Variants in MSRA observed in about 807,000 individuals in gnomAD.
The protein encoded by MSRA is methionine sulfoxide reductase A, also known as mitochondrial peptide methionine sulfoxide reductase.
MSRA carries 54 observed loss-of-function variants against 31.3 expected under a neutral mutation model. The observed-to-expected ratio is 1.73, with a 90% CI of 1.39 to 2.17. MSRA has a LOEUF of 2.17. Ranked by LOEUF, MSRA falls within the 30% of genes most tolerant of loss-of-function variation. MSRA has a pLI of 0.00. For missense variants in MSRA, 507 were observed against 300.9 expected, an observed-to-expected ratio of 1.69 and a Z score of -5.07; for synonymous variants, 169 against 116.5, an observed-to-expected ratio of 1.45 and a Z score of -2.90.
rs370998840 is a variant in MSRA at position 10,420,593 on chromosome 8, A to T, written c.544-7555A>T. On this transcript the variant is annotated intron_variant, in intron 5 of 5. Coordinates refer to ENST00000317173, the MANE Select transcript of MSRA (RefSeq NM_012331.5). ...GCTAGGATGATGCGGGCCTCTTTCC[A>T]TATGGTCTCGGATCTGCAGAGTTAC... Among the ~76,000 whole-genome samples, 8 of 152,200 alleles carry T rather than the reference A, an allele frequency of 5.3e-5. No individual in the cohort carries two copies. In the South Asian group the frequency reaches 1.2e-3, roughly 24 times the overall value.
At chr8:10,215,555 A>G (rs762010646) in intron 2 of MSRA, among the ~76,000 whole-genome samples, 4 of 152,140 alleles carry the variant, frequency 2.6e-5, no homozygotes, top group Admixed American at 6.5e-5. Context: ...TCTCCTTCAT[A>G]ACACCAGACG....
In MSRA at chr8:10,054,348, C is replaced by A; in HGVS notation, c.-169C>A. On this transcript the variant is annotated 5_prime_UTR_variant, in exon 1 of 6. Coordinates refer to ENST00000317173, the MANE Select transcript of MSRA (RefSeq NM_012331.5). ...CCGGTACGGCCCCGGGTTTGGGCAA[C>A]CTCGATTACGGGCGGCCTCCAGCCC... 5.3e-6 allele frequency: 3 copies of A among 568,802 alleles called. No individual in the cohort carries two copies. The highest frequency in any genetic ancestry group is 7.8e-6 in the Non-Finnish European group (3 of 386,454). 35.2% of individuals were successfully genotyped at this position (568,802 alleles called of 1,614,324 possible). A position where few individuals can be genotyped will look rare whatever the true frequency, so the allele number is the denominator to read the frequency against.
intron 1 of MSRA, among the ~76,000 whole-genome samples, chr8:10,179,144 G>A (rs1413156485): frequency 6.6e-6 from 1 of 152,128 alleles, no homozygotes; most frequent in Non-Finnish European, 1.5e-5. Context: ...GCATCCCACA[G>A]GACAACATTA....
At chr8:10,209,300 C>T (rs1015563871) in intron 2 of MSRA, among the ~76,000 whole-genome samples, 6 of 152,182 alleles carry the variant, frequency 3.9e-5, no homozygotes, top group African/African-American at 1.4e-4. Context: ...TTTCCAGTCT[C>T]TCAGATTCGC....
intron 1 of MSRA, among the ~76,000 whole-genome samples, chr8:10,072,533 A>T (rs941391752): frequency 6.6e-6 from 1 of 152,088 alleles, no homozygotes; most frequent in African/African-American, 2.4e-5. Flanking sequence ...TTAATATTAG[A>T]GTCATCCCTC....
intron 3 of MSRA, among the ~76,000 whole-genome samples, chr8:10,281,843 CT>C (rs1484015639): frequency 1.3e-4 from 20 of 152,304 alleles, no homozygotes; most frequent in African/African-American, 4.3e-4. Context: ...ACATCTGAAG[CT>C]TATCACCAAG....
chr8:10,055,163 T>G (rs1802271017), intron 1 of MSRA, among the ~76,000 whole-genome samples: 2 of 5,194 alleles, frequency 3.9e-4, no homozygotes, highest in Non-Finnish European at 6.9e-3. Flanking sequence ...CAGGCCAGTG[T>G]TCTGGCTGAG....
At chr8:10,217,284 C>T (rs1810076889) in intron 2 of MSRA, among the ~76,000 whole-genome samples, 2 of 152,166 alleles carry the variant, frequency 1.3e-5, no homozygotes, top group Non-Finnish European at 2.9e-5. Flanking sequence ...TAGGAGTGAG[C>T]GGCGCGCAAG....
chr8:10,301,846 C>G (rs892110619), intron 4 of MSRA, among the ~76,000 whole-genome samples: 4 of 152,092 alleles, frequency 2.6e-5, no homozygotes, highest in African/African-American at 7.2e-5. Context: ...CCCCTGCCCC[C>G]CTTACAGCTG....
At chr8:10,290,790 C>G (rs1356984666) in intron 3 of MSRA, among the ~76,000 whole-genome samples, 2 of 152,108 alleles carry the variant, frequency 1.3e-5, no homozygotes, top group African/African-American at 2.4e-5. Flanking sequence ...TGTGCAATAC[C>G]CTTGTTAATA....
At chr8:10,348,525 A>G (rs13254598) in intron 5 of MSRA, among the ~76,000 whole-genome samples, 35,698 of 151,526 alleles carry the variant, frequency 0.24, 4,356 homozygotes, top group Non-Finnish European at 0.26. Context: ...GTGCGCCACC[A>G]TGCCCGGCTA....
intron 3 of MSRA, among the ~76,000 whole-genome samples, chr8:10,278,085 T>A (rs1373785445): frequency 1.3e-5 from 2 of 152,154 alleles, no homozygotes; most frequent in Non-Finnish European, 2.9e-5. Flanking sequence ...CACTTTATTA[T>A]CACTTGAGGC....
At chr8:10,235,772 A>G (rs1481970261) in intron 2 of MSRA, among the ~76,000 whole-genome samples, 1 of 152,186 alleles carries the variant, frequency 6.6e-6, no homozygotes, top group Non-Finnish European at 1.5e-5. Context: ...GGTGTTACAT[A>G]GGAGAGAAAA....
intron 3 of MSRA, among the ~76,000 whole-genome samples, chr8:10,278,949 T>A (rs369157487): frequency 6.6e-6 from 1 of 152,184 alleles, no homozygotes; most frequent in Non-Finnish European, 1.5e-5. Context: ...GCTAGTCTCA[T>A]TGAGCATGCC....
chr8:10,144,863 T>C (rs1156563202), intron 1 of MSRA, among the ~76,000 whole-genome samples: 3 of 152,166 alleles, frequency 2.0e-5, no homozygotes, highest in Admixed American at 1.3e-4. Flanking sequence ...TGTGCCTTGA[T>C]TGCTTAAGAC....
chr8:10,338,447 A>C (rs1375017217), intron 5 of MSRA, among the ~76,000 whole-genome samples: 2 of 152,198 alleles, frequency 1.3e-5, no homozygotes, highest in African/African-American at 4.8e-5. Flanking sequence ...GACTGTAGTC[A>C]ATAATGTAGT....
At chr8:10,283,868 C>CACACACACACACACACAT (rs1479551088) in intron 3 of MSRA, among the ~76,000 whole-genome samples, 1 of 132,030 alleles carries the variant, frequency 7.6e-6, no homozygotes, top group African/African-American at 2.7e-5. Context: ...CACACACACA[C>CACACACACACACACACAT]ATATATATTA....
chr8:10,122,878 A>G (rs934715721), intron 1 of MSRA, among the ~76,000 whole-genome samples: 2 of 152,156 alleles, frequency 1.3e-5, no homozygotes, highest in African/African-American at 4.8e-5. Flanking sequence ...GTTCTTTTTT[A>G]TGGTGGCATA....
intron 1 of MSRA, among the ~76,000 whole-genome samples, chr8:10,104,107 ATTC>A (rs767067888): frequency 3.9e-5 from 6 of 152,176 alleles, no homozygotes; most frequent in Non-Finnish European, 8.8e-5. Context: ...TAGCGTAGCC[ATTC>A]TTCTGTGGAT....
Sources: gnomAD v4.1 joint callset for allele counts (sites outside exome capture counted in the v4.1 genomes callset) on GRCh38, gnomAD v4.1.1 for gene constraint, MANE v1.5 for transcripts, NCBI Gene and HGNC (gene_info 2026-07-23, HGNC 2026-07-21) for gene names.